SF3A3: variants seen among roughly 807,000 people sequenced by gnomAD.
The protein encoded by SF3A3 is SAP 61.
A neutral mutation model predicts 85.8 loss-of-function variants in SF3A3; 9 were observed. The ratio of observed to expected loss-of-function variants is 0.10; its 90% CI spans 0.06 to 0.18. The LOEUF (loss-of-function observed/expected upper bound fraction) is 0.18, where lower values mean the gene tolerates loss of function less well. SF3A3 is among the 10% of genes least tolerant of loss of function. The pLI, the probability that SF3A3 is intolerant of heterozygous loss-of-function variation, is 1.00. For synonymous variants in SF3A3, 195 were observed against 204.4 expected, an observed-to-expected ratio of 0.95 and a Z score of 0.39; for missense variants, 306 against 593.3, an observed-to-expected ratio of 0.52 and a Z score of 5.03.
In SF3A3 at chr1:37,961,759, CAAAA is replaced by C. The variant is rs10699691; in HGVS notation, c.1373-1588_1373-1585del. On this transcript the variant is annotated intron_variant, in intron 15 of 16. Transcript: ENST00000373019. The stretch of plus-strand genomic sequence containing the variant: ...AGCCTGGGTGACAAAGCAAGACTGC[CAAAA>C]AAAAAAAAAAAAAAAAAAAAGAAAG... Among the ~76,000 whole-genome samples, 66 of 37,798 alleles carry C rather than the reference CAAAA, an allele frequency of 1.7e-3. 2 individuals are homozygous for C. The East Asian group carries it at 0.054, about 31-fold the overall frequency. 24.8% of individuals were successfully genotyped at this position (37,798 alleles called of 152,430 possible).
rs761417671 is a variant in SF3A3 at position 37,981,580 on chromosome 1, C to T, written c.551+149G>A. 1.0e-4 allele frequency: 65 copies of T among 652,678 alleles called. 1 individual carries two copies. The highest frequency in any genetic ancestry group is 4.0e-4 in the Middle Eastern group (1 of 2,480). The allele number at this position is 652,678 out of a possible 1,614,324, so 40.4% of individuals were successfully genotyped here. On this transcript the variant is annotated intron_variant, in intron 7 of 16. Coordinates refer to ENST00000373019, the MANE Select transcript of SF3A3 (RefSeq NM_006802.4). ...CAGACTATCGCAAAGGTTTTAAAAC[C>T]ACATCATTCATAACCCCATCCTCCA... is the stretch of plus-strand genomic sequence containing the variant.
chr1:37,978,638 T>TA (rs1646395942), intron 11 of SF3A3, 82 bp downstream of exon 11: 5 of 824,282 alleles, frequency 6.1e-6, no homozygotes, highest in East Asian at 5.4e-5. Context: ...AAGCAGGCTT[T>TA]AAAGTCTCCA....
In SF3A3 at chr1:37,979,519, A is replaced by C. The variant is rs2148722045; in HGVS notation, c.705T>G (p.Ser235Arg). ...TFPGWPKETS[S>R]ALTHAGAHLD... ...GATGGGCTCCAGCATGGGTCAGGGC[A>C]CTGCTTGTCTCTTTCTGGAAAGAAC... The change falls in exon 9 of 17, where the codon AGT becomes AGG. Residue 235 changes from serine (S) to arginine (R), a missense_variant. By Grantham distance (110) the Ser-to-Arg change is moderately radical. Transcript: ENST00000373019. 6.2e-7 allele frequency: 1 copy of C among 1,612,228 alleles called. No homozygotes were observed. The highest frequency in any genetic ancestry group is 8.5e-7 in the Non-Finnish European group (1 of 1,178,432).
Position 37,969,453 on chromosome 1 carries a change from G to A in SF3A3, c.1182C>T (p.Tyr394=). 1 of 1,613,208 alleles carries A rather than the reference G, an allele frequency of 6.2e-7. No homozygotes were observed. The highest frequency in any genetic ancestry group is 8.5e-7 in the Non-Finnish European group (1 of 1,179,376). ...PLGWDGKPIP[Y]WLYKLHGLNI... is the part of the protein sequence containing the mutation. ...TTAGGCCATGAAGCTTATACAGCCA[G>A]TAGGGAATAGGCTAAAAAAGAAAAA... The change falls in exon 14 of 17, where the codon TAC becomes TAT. Residue 394 remains tyrosine, a synonymous_variant. Coordinates refer to ENST00000373019, the MANE Select transcript of SF3A3 (RefSeq NM_006802.4).
intron 16 of SF3A3, 40 bp from the exon 17 acceptor site, chr1:37,958,303 AAAAG>A (rs1234463090): frequency 7.0e-7 from 1 of 1,434,326 alleles, no homozygotes; most frequent in Admixed American, 1.7e-5. Context: ...CAGCTCTCCT[AAAAG>A]AAATGTTTGG....
rs150990088 is a variant in SF3A3, at chr1:37,969,275, T to C, written c.1281+79A>G. 1,709 of 1,050,082 alleles carry C rather than the reference T, an allele frequency of 1.6e-3. 3 individuals carry two copies. The highest frequency in any genetic ancestry group is 2.3e-3 in the Non-Finnish European group (1,547 of 674,838). The allele number at this position is 1,050,082 out of a possible 1,614,324, so 65.0% of individuals were successfully genotyped here. ...CAGCTCTGGACACCAGTGGTCCACA[T>C]AGGCTGCTCCTACTCTTTTCTCTAA... On this transcript the variant is annotated intron_variant, in intron 14 of 16. Coordinates refer to ENST00000373019, the MANE Select transcript of SF3A3 (RefSeq NM_006802.4).
intron 7 of SF3A3, among the ~76,000 whole-genome samples, chr1:37,981,334 A>C (rs1253095190): frequency 6.6e-6 from 1 of 152,222 alleles, no homozygotes; most frequent in South Asian, 2.1e-4. Flanking sequence ...AAAATCACTA[A>C]TCAGGAGAGT....
intron 15 of SF3A3, among the ~76,000 whole-genome samples, chr1:37,965,837 G>T (rs552530666): frequency 6.6e-6 from 1 of 151,196 alleles, no homozygotes; most frequent in African/African-American, 2.4e-5. Flanking sequence ...GGGTGGGATG[G>T]GGGGGTAAAA....
chr1:37,977,834 G>T (rs945669528), intron 11 of SF3A3, among the ~76,000 whole-genome samples: 1 of 150,976 alleles, frequency 6.6e-6, no homozygotes, highest in African/African-American at 2.4e-5. Flanking sequence ...GGAAGACTCC[G>T]TCTCAAAAAC....
intron 7 of SF3A3, among the ~76,000 whole-genome samples, chr1:37,981,010 C>T (rs1339204469): frequency 2.0e-5 from 3 of 151,760 alleles, no homozygotes; most frequent in Admixed American, 6.6e-5. Flanking sequence ...CCACCATGCC[C>T]GGCTAATTTT....
chr1:37,978,353 A>G (rs1557752740), intron 11 of SF3A3, among the ~76,000 whole-genome samples: 1 of 151,694 alleles, frequency 6.6e-6, no homozygotes, highest in Non-Finnish European at 1.5e-5. Context: ...AAAAAAAAAG[A>G]AAAAAGAAAA....
intron 1 of SF3A3, 34 bp downstream of exon 1, chr1:37,989,836 C>A (rs748855264): frequency 2.9e-5 from 44 of 1,528,874 alleles, no homozygotes; most frequent in Middle Eastern, 1.8e-4. Flanking sequence ...GAGGCTCGTG[C>A]TCCTGCCGCA....
At chr1:37,982,570 G>A (rs1313756090) in intron 6 of SF3A3, among the ~76,000 whole-genome samples, 1 of 152,018 alleles carries the variant, frequency 6.6e-6, no homozygotes, top group South Asian at 2.1e-4. Context: ...CAGGGTTTCT[G>A]CATGTTGGTC....
intron 15 of SF3A3, among the ~76,000 whole-genome samples, chr1:37,965,302 CA>C (rs55747818): frequency 1.8e-3 from 181 of 100,384 alleles, no homozygotes; most frequent in African/African-American, 6.7e-3. Context: ...CCCATCGGCA[CA>C]AAAAAAAAAA....
At chr1:37,972,604 G>A (rs979793972) in intron 12 of SF3A3, among the ~76,000 whole-genome samples, 5 of 152,122 alleles carry the variant, frequency 3.3e-5, no homozygotes, top group African/African-American at 7.2e-5. Context: ...GAGGCATCAC[G>A]CTATCTGACT....
intron 11 of SF3A3, among the ~76,000 whole-genome samples, chr1:37,977,523 GA>G (rs979881964): frequency 6.6e-6 from 1 of 152,090 alleles, no homozygotes; most frequent in Non-Finnish European, 1.5e-5. Flanking sequence ...CCAACATGGT[GA>G]AACCCTCTCT....
chr1:37,964,677 G>A (rs1324803212), intron 15 of SF3A3, among the ~76,000 whole-genome samples: 2 of 152,160 alleles, frequency 1.3e-5, no homozygotes, highest in East Asian at 3.8e-4. Flanking sequence ...CCATGAAAAT[G>A]TTAATGGCAG....
intron 4 of SF3A3, among the ~76,000 whole-genome samples, chr1:37,986,134 A>G (rs1365058367): frequency 6.6e-6 from 1 of 151,830 alleles, no homozygotes; most frequent in East Asian, 1.9e-4. Context: ...TTTTTAGTAG[A>G]GAGAGGTTTC....
At chr1:37,958,411 G>A (rs892497540) in intron 16 of SF3A3, 148 bp from the exon 17 acceptor site, 1 of 650,620 alleles carries the variant, frequency 1.5e-6, no homozygotes. Flanking sequence ...TTTCTCAACT[G>A]GGGTTCCACA....
Sources: allele counts gnomAD v4.1 joint callset (sites outside exome capture counted in the v4.1 genomes callset), GRCh38; gene constraint gnomAD v4.1.1; transcripts MANE v1.5; gene names NCBI Gene and HGNC (gene_info 2026-07-23, HGNC 2026-07-21).